The following CCDC171 variants were observed in gnomAD, a reference collection of about 807,000 sequenced individuals.
The protein encoded by CCDC171 is coiled-coil domain-containing protein 171.
CCDC171 carries 177 observed loss-of-function variants against 168.2 expected under a neutral mutation model. The observed-to-expected ratio is 1.05, with a 90% CI of 0.93 to 1.19. The LOEUF (loss-of-function observed/expected upper bound fraction) is 1.19, where lower values mean the gene tolerates loss of function less well. Ranked by LOEUF, CCDC171 falls within the 50% of genes most tolerant of loss-of-function variation. The pLI, the probability that CCDC171 is intolerant of heterozygous loss-of-function variation, is 0.00. For synonymous variants in CCDC171, 687 were observed against 540.8 expected (o/e 1.27, Z -3.75); for missense variants, 1,991 against 1,539.0 (o/e 1.29, Z -4.91).
chr9:15,946,218 C>G (rs1828360398), intron 25 of CCDC171, among the ~76,000 whole-genome samples: 2 of 151,946 alleles, frequency 1.3e-5, no homozygotes, highest in Non-Finnish European at 1.5e-5. Context: ...TCTGAGGGCT[C>G]TGTTCTGTTC....
intron 18 of CCDC171, among the ~76,000 whole-genome samples, chr9:15,769,429 G>C (rs2056898397): frequency 6.6e-6 from 1 of 152,162 alleles, no homozygotes; most frequent in African/African-American, 2.4e-5. Flanking sequence ...TGGGGGAACG[G>C]TCTGTGGACT....
intron 8 of CCDC171, among the ~76,000 whole-genome samples, chr9:15,661,009 G>A (rs775208340): frequency 2.6e-5 from 4 of 151,910 alleles, no homozygotes; most frequent in African/African-American, 4.8e-5. Flanking sequence ...TGCCGGGCGC[G>A]GGGGCTCACG....
At chr9:15,779,192 A>G (rs2057519923) in intron 20 of CCDC171, 42 bp downstream of exon 20, 9 of 1,165,238 alleles carry the variant, frequency 7.7e-6, no homozygotes, top group Admixed American at 3.1e-5. Flanking sequence ...TTGCTGATAT[A>G]TATTTCTTTA....
chr9:15,635,765 T>C (rs2046154338), intron 7 of CCDC171, among the ~76,000 whole-genome samples: 1 of 152,088 alleles, frequency 6.6e-6, no homozygotes, highest in Admixed American at 6.6e-5. Flanking sequence ...CGTGTACAGG[T>C]TTTTGTGTGG....
chr9:15,837,129 A>T (rs894681903), intron 21 of CCDC171, among the ~76,000 whole-genome samples: 1 of 152,154 alleles, frequency 6.6e-6, no homozygotes, highest in Non-Finnish European at 1.5e-5. Context: ...TATAAAAGAA[A>T]AAGATTCTTC....
intron 21 of CCDC171, among the ~76,000 whole-genome samples, chr9:15,834,775 C>G (rs151054528): frequency 8.5e-5 from 13 of 152,088 alleles, no homozygotes; most frequent in Non-Finnish European, 1.6e-4. Flanking sequence ...TGGTTAGGGA[C>G]GTATATGCAC....
At chr9:15,726,214 C>G (rs895717936) in intron 14 of CCDC171, among the ~76,000 whole-genome samples, 3 of 152,150 alleles carry the variant, frequency 2.0e-5, no homozygotes, top group Non-Finnish European at 4.4e-5. Flanking sequence ...GTAAAGGAAA[C>G]TAGAAGCCTG....
intron 18 of CCDC171, among the ~76,000 whole-genome samples, chr9:15,768,961 CTGTT>C (rs2056873036): frequency 6.6e-6 from 1 of 152,206 alleles, no homozygotes; most frequent in Admixed American, 6.5e-5. Context: ...AGATTCTCAT[CTGTT>C]TGTACAGTCT....
At chr9:15,556,180 G>T (rs955872180) in intron 1 of CCDC171, among the ~76,000 whole-genome samples, 1 of 151,252 alleles carries the variant, frequency 6.6e-6, no homozygotes. Flanking sequence ...ATGATTTACA[G>T]TTTCTGCCGA....
At position 15,676,879 on chromosome 9, in the gene CCDC171, C is replaced by A. The variant is rs78066063; in HGVS notation, c.1077-1879C>A. On this transcript the variant is annotated intron_variant, in intron 9 of 25. Coordinates refer to ENST00000380701, the MANE Select transcript of CCDC171 (RefSeq NM_173550.4). Reference sequence around the variant, plus strand: ...CCTCTGGAAACTTAACACAGAGTGGCCATCAAGTCTGGAATCTTTAGGTGA... The same window carrying A: ...CCTCTGGAAACTTAACACAGAGTGGACATCAAGTCTGGAATCTTTAGGTGA... 2.5e-3 allele frequency among the ~76,000 whole-genome samples: 381 copies of A among 152,180 alleles called. No individual in the cohort carries two copies. In the Middle Eastern group the frequency reaches 0.027, roughly 11 times the overall value.
intron 3 of CCDC171, among the ~76,000 whole-genome samples, chr9:15,989,251 A>G (rs564523954): frequency 6.6e-6 from 1 of 152,194 alleles, no homozygotes; most frequent in South Asian, 2.1e-4. Flanking sequence ...ACAATCAGGC[A>G]GCAACATTTA....
At chr9:15,789,058 GA>G (rs1241844382) in intron 21 of CCDC171, among the ~76,000 whole-genome samples, 2 of 152,090 alleles carry the variant, frequency 1.3e-5, no homozygotes, top group Non-Finnish European at 2.9e-5. Context: ...TCAGTATGTG[GA>G]AATCAAAGTT....
In CCDC171 at chr9:15,693,744, A is replaced by G. The variant is rs1472378097; in HGVS notation, c.1216-1491A>G. Among the ~76,000 whole-genome samples, 4 of 152,100 alleles carry G rather than the reference A, an allele frequency of 2.6e-5. No individual in the cohort carries two copies. The East Asian group carries it at 7.7e-4, about 29-fold the overall frequency. On this transcript the variant is annotated intron_variant, in intron 10 of 25. Coordinates refer to ENST00000380701, the MANE Select transcript of CCDC171 (RefSeq NM_173550.4). Reference sequence around the variant, plus strand: ...ATATCTATTCTTCCATTTTTTCTGTATCTATAAACATACCTTTAACATCAA... The same window carrying G: ...ATATCTATTCTTCCATTTTTTCTGTGTCTATAAACATACCTTTAACATCAA...
intron 1 of CCDC171, among the ~76,000 whole-genome samples, chr9:15,563,630 T>G (rs1418161972): frequency 2.6e-5 from 4 of 152,146 alleles, no homozygotes; most frequent in African/African-American, 7.2e-5. Context: ...GTCTTTCAGG[T>G]CCCTGGATAG....
chr9:15,792,399 T>G (rs10962164), intron 21 of CCDC171, among the ~76,000 whole-genome samples: 67,640 of 151,916 alleles, frequency 0.45, 15,481 homozygotes, highest in East Asian at 0.65. Flanking sequence ...AAAACACTCT[T>G]CAGGATATTA....
intron 16 of CCDC171, among the ~76,000 whole-genome samples, chr9:15,734,153 C>A (rs1039572584): frequency 3.9e-5 from 6 of 152,306 alleles, no homozygotes; most frequent in Middle Eastern, 3.4e-3. Flanking sequence ...GAAGACTTTT[C>A]TCTGAAGAAT....
At chr9:15,809,745 G>C (rs1449095316) in intron 21 of CCDC171, among the ~76,000 whole-genome samples, 1 of 152,192 alleles carries the variant, frequency 6.6e-6, no homozygotes, top group Non-Finnish European at 1.5e-5. Flanking sequence ...CCCAAAGAGT[G>C]AGCAACAGCA....
At chr9:16,046,209 G>C (rs1326484907) in intron 1 of CCDC171, among the ~76,000 whole-genome samples, 1 of 152,166 alleles carries the variant, frequency 6.6e-6, no homozygotes, top group Non-Finnish European at 1.5e-5. Context: ...ATATTTTCAG[G>C]AGGCTCCAAC....
chr9:15,705,124 TCA>T (rs1002846778), intron 11 of CCDC171, among the ~76,000 whole-genome samples: 31 of 92,930 alleles, frequency 3.3e-4, no homozygotes, highest in South Asian at 1.2e-3. Flanking sequence ...ACACACACTC[TCA>T]CTCACTCAGA....
Sources: gnomAD v4.1 joint callset for allele counts (sites outside exome capture counted in the v4.1 genomes callset) on GRCh38, gnomAD v4.1.1 for gene constraint, MANE v1.5 for transcripts, NCBI Gene and HGNC (gene_info 2026-07-23, HGNC 2026-07-21) for gene names.